Variants in C1QL1 observed in about 807,000 individuals in gnomAD.
C1QL1 encodes complement C1q like 1.
C1QL1 carries 15 observed loss-of-function variants against 14.2 expected under a neutral mutation model. The ratio of observed to expected loss-of-function variants is 1.06; its 90% CI spans 0.71 to 1.62. The LOEUF (loss-of-function observed/expected upper bound fraction) is 1.62, where lower values mean the gene tolerates loss of function less well. Ranked by LOEUF, C1QL1 falls within the 40% of genes most tolerant of loss-of-function variation. The pLI, the probability that C1QL1 is intolerant of heterozygous loss-of-function variation, is 0.00. For missense variants in C1QL1, 346 were observed against 380.3 expected, an observed-to-expected ratio of 0.91 and a Z score of 0.75; for synonymous variants, 172 against 172.4, an observed-to-expected ratio of 1.00 and a Z score of 0.02.
intron 1 of C1QL1, among the ~76,000 whole-genome samples, chr17:44,962,787 C>T (rs2052635236): frequency 6.6e-6 from 1 of 152,210 alleles, no homozygotes; most frequent in Admixed American, 6.5e-5. Flanking sequence ...TCCTTAATAG[C>T]CAAATCCATT....
At chr17:44,960,448 A>T in intron 1 of C1QL1, 81 bp from the exon 2 acceptor site, 1 of 971,052 alleles carries the variant, frequency 1.0e-6, no homozygotes, top group Non-Finnish European at 1.6e-6. Context: ...CCCGTGGGGG[A>T]GGATCAGCAG....
Position 44,967,877 on chromosome 17 carries a change from C to G in C1QL1, c.172G>C (p.Ala58Pro), listed in dbSNP as rs1225868908. Residue 58 changes from alanine to proline, a missense_variant, in exon 1 of 2, where the codon GCG becomes CCG. Physicochemically the swap from Ala to Pro is conservative, Grantham distance 27 (BLOSUM62 -1). Coordinates refer to ENST00000253407, the MANE Select transcript of C1QL1 (RefSeq NM_006688.5). The surrounding 1 kb of genome is among the most constrained non-coding windows in gnomAD (Gnocchi z 7.0). ...TGCACCAGCGTGGAAGGCGGGGGCG[C>G]GCCGCTCTGCTCGCTCAGGGCGTCG... ...GGDALSEQSG[A>P]PPPSTLVQGP... 1.5e-6 allele frequency: 2 copies of G among 1,298,564 alleles called. No homozygotes were observed. Among genetic ancestry groups the G allele is most frequent in the African/African-American group, 1.6e-5 (1 of 64,092 alleles). 80.4% of individuals were successfully genotyped at this position (1,298,564 alleles called of 1,614,324 possible).
At chr17:44,960,971 A>G (rs535078867) in intron 1 of C1QL1, among the ~76,000 whole-genome samples, 1 of 152,334 alleles carries the variant, frequency 6.6e-6, no homozygotes, top group South Asian at 2.1e-4. Context: ...GTGAGACAGA[A>G]GGCCTGGTAA....
Position 44,968,101 on chromosome 17 carries a change from G to C in C1QL1, c.-53C>G, listed in dbSNP as rs1300906299. On this transcript the variant is annotated 5_prime_UTR_variant, in exon 1 of 2. Transcript: ENST00000253407. ...CGTCTTTCGGCCCGCGCGGAGCCTG[G>C]GGAGCGCCGGGCCGCCCGGCCGCGC... The C allele has an allele frequency of 1.7e-6, 2 of 1,162,336 alleles. No homozygotes were observed. Among genetic ancestry groups the C allele is most frequent in the African/African-American group, 3.2e-5 (2 of 61,874 alleles). 72.0% of individuals were successfully genotyped at this position (1,162,336 alleles called of 1,614,324 possible).
At position 44,967,922 on chromosome 17, in the gene C1QL1, C is replaced by G. The variant is rs762552891; in HGVS notation, c.127G>C (p.Gly43Arg). The G allele has an allele frequency of 2.4e-6, 3 of 1,264,492 alleles. No homozygotes were observed. The highest frequency in any genetic ancestry group is 2.0e-6 in the Non-Finnish European group (2 of 1,009,806). The allele number at this position is 1,264,492 out of a possible 1,614,324, so 78.3% of individuals were successfully genotyped here. A position where few individuals can be genotyped will look rare whatever the true frequency, so the allele number is the denominator to read the frequency against. ...DPYPARGPGA[G>R]ARTDGGDALS... Reference sequence around the variant, plus strand: ...GCGTCGCCGCCGTCGGTCCGCGCGCCGGCGCCGGGGCCCCGCGCGGGGTAG... The same window carrying G: ...GCGTCGCCGCCGTCGGTCCGCGCGCGGGCGCCGGGGCCCCGCGCGGGGTAG... Residue 43 changes from glycine (G) to arginine (R), a missense_variant, in exon 1 of 2, where the codon GGC becomes CGC. Transcript: ENST00000253407. The surrounding 1 kb of genome is among the most constrained non-coding windows in gnomAD (Gnocchi z 7.0).
Position 44,960,507 on chromosome 17 carries a change from C to T in C1QL1, c.598-140G>A, listed in dbSNP as rs973807968. 10 of 629,178 alleles carry T rather than the reference C, an allele frequency of 1.6e-5. No homozygotes were observed. The African/African-American group carries it at 1.6e-4, about 10-fold the overall frequency. 39.0% of individuals were successfully genotyped at this position (629,178 alleles called of 1,614,324 possible). Reference sequence around the variant, plus strand: ...TCGCCTCATCCCTGCCACGCTCCCCCTCCCCCGCCCCCTTCCAATCATACA... The same window carrying T: ...TCGCCTCATCCCTGCCACGCTCCCCTTCCCCCGCCCCCTTCCAATCATACA... On this transcript the variant is annotated intron_variant, in intron 1 of 1. Coordinates refer to ENST00000253407, the MANE Select transcript of C1QL1 (RefSeq NM_006688.5).
chr17:44,961,817 C>T (rs1478329435), intron 1 of C1QL1, among the ~76,000 whole-genome samples: 9 of 140,412 alleles, frequency 6.4e-5, no homozygotes, highest in Admixed American at 3.7e-4. Flanking sequence ...ACCCGGGAAG[C>T]GGAGCTTGCA....
intron 1 of C1QL1, among the ~76,000 whole-genome samples, chr17:44,966,908 T>C (rs1464561590): frequency 2.0e-5 from 3 of 152,102 alleles, no homozygotes; most frequent in Non-Finnish European, 4.4e-5. Context: ...CAATGGTCCC[T>C]TCTCCAGGGC....
chr17:44,962,600 G>A (rs1431806390), intron 1 of C1QL1, among the ~76,000 whole-genome samples: 3 of 152,200 alleles, frequency 2.0e-5, no homozygotes, highest in Non-Finnish European at 4.4e-5. Context: ...GGGGCTTTGA[G>A]TTATTAGGGA....
intron 1 of C1QL1, among the ~76,000 whole-genome samples, chr17:44,962,120 G>A (rs561571522): frequency 6.6e-6 from 1 of 152,196 alleles, no homozygotes; most frequent in African/African-American, 2.4e-5. Flanking sequence ...TCTCAGCCAG[G>A]TTTCTCCACG....
At chr17:44,961,855 C>T (rs1422167059) in intron 1 of C1QL1, among the ~76,000 whole-genome samples, 3 of 143,078 alleles carry the variant, frequency 2.1e-5, no homozygotes, top group African/African-American at 5.3e-5. Flanking sequence ...CACTGCAGTC[C>T]GCAGTCCGGC....
At position 44,967,310 on chromosome 17, in the gene C1QL1, A is replaced by T; in HGVS notation, c.597+142T>A. ...CTGGCTCCGACCATCCCCACACGTG[A>T]TGACCAAGCGGGGCCGCTGTGGGGT... On this transcript the variant is annotated intron_variant, in intron 1 of 1. Coordinates refer to ENST00000253407, the MANE Select transcript of C1QL1 (RefSeq NM_006688.5). This position sits in a 1 kb window ranked among gnomAD's most constrained non-coding sequence, Gnocchi z 7.0. The T allele has an allele frequency of 1.1e-6, 1 of 869,654 alleles. No homozygotes were observed. The highest frequency in any genetic ancestry group is 1.8e-6 in the Non-Finnish European group (1 of 564,506). 53.9% of individuals were successfully genotyped at this position (869,654 alleles called of 1,614,324 possible). A position where few individuals can be genotyped will look rare whatever the true frequency, so the allele number is the denominator to read the frequency against.
intron 1 of C1QL1, among the ~76,000 whole-genome samples, chr17:44,966,677 G>A (rs922276996): frequency 4.6e-5 from 7 of 152,164 alleles, no homozygotes; most frequent in Non-Finnish European, 1.0e-4. Context: ...ACGGAGAATG[G>A]AGAGGACCCC....
Position 44,967,910 on chromosome 17 carries a change from C to T in C1QL1, c.139G>A (p.Asp47Asn). 8.0e-7 allele frequency: 1 copy of T among 1,249,994 alleles called. No individual in the cohort carries two copies. Among genetic ancestry groups the T allele is most frequent in the Non-Finnish European group, 1.0e-6 (1 of 1,001,920 alleles). The allele number at this position is 1,249,994 out of a possible 1,614,324, so 77.4% of individuals were successfully genotyped here. A position where few individuals can be genotyped will look rare whatever the true frequency, so the allele number is the denominator to read the frequency against. ...ARGPGAGART[D>N]GGDALSEQSG... ...TGCTCGCTCAGGGCGTCGCCGCCGT[C>T]GGTCCGCGCGCCGGCGCCGGGGCCC... Residue 47 changes from aspartate (D) to asparagine (N), a missense_variant, in exon 1 of 2, where the codon GAC (aspartate) becomes AAC (asparagine). Physicochemically the swap from Asp to Asn is conservative, Grantham distance 23. Transcript: ENST00000253407. This position sits in a 1 kb window ranked among gnomAD's most constrained non-coding sequence, Gnocchi z 7.0.
chr17:44,965,451 C>G (rs1793351048), intron 1 of C1QL1, among the ~76,000 whole-genome samples: 2 of 152,150 alleles, frequency 1.3e-5, no homozygotes, highest in Non-Finnish European at 2.9e-5. Context: ...CCCAGCCTCT[C>G]CTGTTTTTCT....
At chr17:44,966,687 C>T (rs1308997244) in intron 1 of C1QL1, among the ~76,000 whole-genome samples, 2 of 152,106 alleles carry the variant, frequency 1.3e-5, no homozygotes, top group Non-Finnish European at 2.9e-5. Context: ...GAGAGGACCC[C>T]ACACACTCCA....
intron 1 of C1QL1, among the ~76,000 whole-genome samples, chr17:44,965,642 C>A (rs3024277): frequency 1.3e-4 from 20 of 152,174 alleles, no homozygotes; most frequent in Non-Finnish European, 7.4e-5. Context: ...GTTTTACCTC[C>A]CAGTGACTGA....
chr17:44,962,713 C>T (rs2052634833), intron 1 of C1QL1, among the ~76,000 whole-genome samples: 1 of 152,154 alleles, frequency 6.6e-6, no homozygotes, highest in African/African-American at 2.4e-5. Context: ...TAATAAATTA[C>T]TACTAATAAC....
chr17:44,963,349 G>A (rs539947940), intron 1 of C1QL1, among the ~76,000 whole-genome samples: 1 of 152,138 alleles, frequency 6.6e-6, no homozygotes, highest in African/African-American at 2.4e-5. Context: ...GCTCTGTGTT[G>A]TGAAAGGTAT....
Sources: gnomAD v4.1 joint callset for allele counts (sites outside exome capture counted in the v4.1 genomes callset) on GRCh38, gnomAD v4.1.1 for gene constraint, Gnocchi (gnomAD v3.1) non-coding constraint, MANE v1.5 for transcripts, NCBI Gene and HGNC (gene_info 2026-07-23, HGNC 2026-07-21) for gene names.